KDM1A: variants seen among roughly 807,000 people sequenced by gnomAD.
KDM1A encodes the protein lysine-specific histone demethylase 1A.
In KDM1A, 49 loss-of-function variants were observed where a neutral mutation model predicts 109.4. The observed-to-expected ratio is 0.45, with a 90% CI of 0.36 to 0.57. The LOEUF is 0.57. Ranked by LOEUF, KDM1A falls within the 20% of genes least tolerant of loss-of-function variation. The pLI is 0.00. For synonymous variants in KDM1A, 380 were observed against 415.4 expected, an observed-to-expected ratio of 0.91 and a Z score of 1.04; for missense variants, 668 against 1,116.6, an observed-to-expected ratio of 0.60 and a Z score of 5.73.
chr1:23,053,885 AT>A, intron 5 of KDM1A, 46 bp downstream of exon 5: 1 of 1,017,566 alleles, frequency 9.8e-7, no homozygotes, highest in Non-Finnish European at 1.6e-6. Context: ...GATTGTGAAA[AT>A]TGATACGTTC....
chr1:23,046,078 C>CTTCA (rs1360971281), intron 3 of KDM1A, among the ~76,000 whole-genome samples: 1 of 152,132 alleles, frequency 6.6e-6, no homozygotes, highest in Non-Finnish European at 1.5e-5. Flanking sequence ...AACTTCCTGC[C>CTTCA]TTCAAACAGT....
At chr1:23,020,904 G>T (rs916481688) in intron 1 of KDM1A, among the ~76,000 whole-genome samples, 7 of 152,216 alleles carry the variant, frequency 4.6e-5, no homozygotes, top group Non-Finnish European at 8.8e-5. Context: ...GCAGGGCACT[G>T]GGGCAGTATT....
At chr1:23,053,178 G>A (rs1642722090) in intron 4 of KDM1A, among the ~76,000 whole-genome samples, 1 of 152,086 alleles carries the variant, frequency 6.6e-6, no homozygotes, top group African/African-American at 2.4e-5. Context: ...AGGTTTGAAT[G>A]CTAGTTGCTC....
At chr1:23,072,954 A>G (rs1339403685) in intron 14 of KDM1A, among the ~76,000 whole-genome samples, 3 of 152,140 alleles carry the variant, frequency 2.0e-5, no homozygotes, top group Non-Finnish European at 4.4e-5. Context: ...CATCCTTTCT[A>G]TAGAGTCTAT....
intron 8 of KDM1A, 94 bp from the exon 9 acceptor site, chr1:23,058,979 C>A: frequency 1.5e-6 from 1 of 680,006 alleles, no homozygotes; most frequent in Non-Finnish European, 2.3e-6. Context: ...AGCTTTTGAG[C>A]TTTTTATATT....
chr1:23,032,712 A>G (rs1357135433), intron 2 of KDM1A, among the ~76,000 whole-genome samples: 1 of 152,122 alleles, frequency 6.6e-6, no homozygotes, highest in East Asian at 1.9e-4. Flanking sequence ...AGCCTAAACT[A>G]CTTATGTAGT....
Position 23,082,356 on chromosome 1 carries a change from G to C in KDM1A, c.2435G>C (p.Gly812Ala). 1 of 1,612,870 alleles carries C rather than the reference G, an allele frequency of 6.2e-7. No homozygotes were observed. Among genetic ancestry groups the C allele is most frequent in the South Asian group, 1.1e-5 (1 of 90,948 alleles). ...QPITPGPSIP[G>A]APQPIPRLFF... ...ATCACTCCTGGCCCCTCGATTCCAG[G>C]TGCCCCACAGGTGAGAAGCTGGCAA... The change falls in exon 20 of 21, where the codon GGT becomes GCT. Residue 812 changes from glycine to alanine, a missense_variant. This residue lies in a region of KDM1A where 69 missense variants were observed against 99.6 expected (regional missense o/e 0.69). Transcript: ENST00000400181.
At chr1:23,056,957 T>C (rs961191304) in intron 7 of KDM1A, among the ~76,000 whole-genome samples, 1 of 152,092 alleles carries the variant, frequency 6.6e-6, no homozygotes, top group African/African-American at 2.4e-5. Flanking sequence ...GAACAGGCTA[T>C]GTTCAGTATG....
chr1:23,039,802 C>A (rs893826372), intron 2 of KDM1A, among the ~76,000 whole-genome samples: 1 of 152,198 alleles, frequency 6.6e-6, no homozygotes, highest in Admixed American at 6.5e-5. Flanking sequence ...CTTCTCGTTT[C>A]TTAACAACAA....
chr1:23,044,285 G>A, intron 2 of KDM1A, 142 bp from the exon 3 acceptor site: 1 of 703,228 alleles, frequency 1.4e-6, no homozygotes. Flanking sequence ...CCTGGGCCTT[G>A]ATTCCAGAAG....
intron 15 of KDM1A, among the ~76,000 whole-genome samples, chr1:23,077,017 G>A (rs531798143): frequency 4.0e-5 from 6 of 150,414 alleles, no homozygotes; most frequent in Admixed American, 1.3e-4. Flanking sequence ...CTCACTACCC[G>A]AAGATTTAGG....
chr1:23,031,630 C>G (rs112479967), intron 2 of KDM1A, among the ~76,000 whole-genome samples: 41 of 151,978 alleles, frequency 2.7e-4, no homozygotes, highest in African/African-American at 9.7e-4. Flanking sequence ...TTACCAGAAG[C>G]AGTACTGATG....
At position 23,050,270 on chromosome 1, in the gene KDM1A, A is replaced by G. The variant is rs1038558549; in HGVS notation, c.578-117A>G. 8.4e-6 allele frequency: 9 copies of G among 1,076,192 alleles called. No individual in the cohort carries two copies. The African/African-American group carries it at 1.3e-4, about 16-fold the overall frequency. 66.7% of individuals were successfully genotyped at this position (1,076,192 alleles called of 1,614,324 possible). A position where few individuals can be genotyped will look rare whatever the true frequency, so the allele number is the denominator to read the frequency against. On this transcript the variant is annotated intron_variant, in intron 3 of 20. Transcript: ENST00000400181. ...TAAGGAAGTTTCAGCTTTTGAGACA[A>G]TTGAAAATTTTTTAAAAAGGTCAGT...
chr1:23,051,858 A>G (rs1477506973), intron 4 of KDM1A, among the ~76,000 whole-genome samples: 1 of 152,216 alleles, frequency 6.6e-6, no homozygotes, highest in Non-Finnish European at 1.5e-5. Flanking sequence ...TCGATTGTTA[A>G]AGCAATTGAT....
chr1:23,052,240 A>G (rs1442324846), intron 4 of KDM1A, among the ~76,000 whole-genome samples: 1 of 152,202 alleles, frequency 6.6e-6, no homozygotes, highest in Non-Finnish European at 1.5e-5. Context: ...CAAGAATTTT[A>G]TCAGTTCTCT....
intron 2 of KDM1A, 162 bp from the exon 3 acceptor site, chr1:23,044,265 G>C: frequency 1.6e-6 from 1 of 618,926 alleles, no homozygotes; most frequent in Non-Finnish European, 2.9e-6. Context: ...GGAAGACTAT[G>C]ATGTAATTCC....
chr1:23,052,268 C>T (rs957481957), intron 4 of KDM1A, among the ~76,000 whole-genome samples: 1 of 152,158 alleles, frequency 6.6e-6, no homozygotes, highest in African/African-American at 2.4e-5. Flanking sequence ...AACTATAATA[C>T]TTTAAAACTG....
At chr1:23,063,335 A>T (rs1218468901) in intron 9 of KDM1A, among the ~76,000 whole-genome samples, 1 of 151,692 alleles carries the variant, frequency 6.6e-6, no homozygotes, top group Admixed American at 6.6e-5. Flanking sequence ...TTCAGCTGTT[A>T]AGAGAAAGAA....
intron 10 of KDM1A, 26 bp downstream of exon 10, chr1:23,066,097 C>A: frequency 6.8e-7 from 1 of 1,470,062 alleles, no homozygotes; most frequent in South Asian, 1.1e-5. Context: ...TTTTTCAAAT[C>A]ATTTTCCTCA....
Sources: allele counts gnomAD v4.1 joint callset (sites outside exome capture counted in the v4.1 genomes callset), GRCh38; gene constraint gnomAD v4.1.1; regional missense constraint gnomAD v4.1.1; transcripts MANE v1.5; gene names NCBI Gene and HGNC (gene_info 2026-07-23, HGNC 2026-07-21).